GABBR2: variants seen among roughly 807,000 people sequenced by gnomAD.
The protein encoded by GABBR2 is gamma-aminobutyric acid type B receptor subunit 2, also known as G-protein coupled receptor 51.
GABBR2 carries 23 observed loss-of-function variants against 105.6 expected under a neutral mutation model. The ratio of observed to expected loss-of-function variants is 0.22; its 90% CI spans 0.16 to 0.31. The LOEUF is 0.31. Ranked by LOEUF, GABBR2 falls within the 10% of genes least tolerant of loss-of-function variation. The pLI, the probability that GABBR2 is intolerant of heterozygous loss-of-function variation, is 1.00. For synonymous variants in GABBR2, 478 were observed against 499.7 expected, an observed-to-expected ratio of 0.96 and a Z score of 0.58; for missense variants, 734 against 1,245.5, an observed-to-expected ratio of 0.59 and a Z score of 6.18.
At chr9:98,520,072 T>A (rs537506497) in intron 3 of GABBR2, among the ~76,000 whole-genome samples, 2 of 152,298 alleles carry the variant, frequency 1.3e-5, no homozygotes, top group Non-Finnish European at 2.9e-5. Flanking sequence ...CTCTCTGAGC[T>A]TTTTTTCTTG....
intron 7 of GABBR2, among the ~76,000 whole-genome samples, chr9:98,418,425 C>T (rs970632783): frequency 6.6e-6 from 1 of 152,074 alleles, no homozygotes; most frequent in Non-Finnish European, 1.5e-5. Context: ...GTCTCAGCTA[C>T]TCAGGGGGCT....
intron 1 of GABBR2, among the ~76,000 whole-genome samples, chr9:98,640,857 A>T (rs1829951058): frequency 6.6e-6 from 1 of 152,194 alleles, no homozygotes; most frequent in African/African-American, 2.4e-5. Flanking sequence ...GCTGATCAGT[A>T]GGTCTGATGC....
chr9:98,512,450 A>T (rs1336904231), intron 3 of GABBR2, among the ~76,000 whole-genome samples: 1 of 151,694 alleles, frequency 6.6e-6, no homozygotes, highest in Non-Finnish European at 1.5e-5. Context: ...TTCAATTAGG[A>T]AAAGAGGAAG....
intron 1 of GABBR2, among the ~76,000 whole-genome samples, chr9:98,610,427 T>C (rs913864288): frequency 2.6e-5 from 4 of 152,194 alleles, no homozygotes; most frequent in African/African-American, 7.2e-5. Context: ...TATGCATCCA[T>C]GCCCTAACTC....
chr9:98,472,763 C>G (rs949371256), intron 6 of GABBR2, among the ~76,000 whole-genome samples: 2 of 152,092 alleles, frequency 1.3e-5, no homozygotes, highest in South Asian at 4.2e-4. Flanking sequence ...CTACTTAAGG[C>G]GTCTTTCCTC....
chr9:98,682,007 G>A (rs2131870206), intron 1 of GABBR2, among the ~76,000 whole-genome samples: 1 of 152,236 alleles, frequency 6.6e-6, no homozygotes, highest in Non-Finnish European at 1.5e-5. Context: ...GGTGGAGACA[G>A]GCGGATCACT....
intron 1 of GABBR2, among the ~76,000 whole-genome samples, chr9:98,585,507 G>A (rs1829058665): frequency 7.7e-6 from 1 of 130,370 alleles, no homozygotes; most frequent in Non-Finnish European, 1.6e-5. Context: ...GGGGGGAGTG[G>A]GGAGGGATAG....
At position 98,452,683 on chromosome 9, in the gene GABBR2, A is replaced by C. The variant is rs571036050; in HGVS notation, c.1236+1298T>G. Among the ~76,000 whole-genome samples, 5 of 152,368 alleles carry C rather than the reference A, an allele frequency of 3.3e-5. No individual in the cohort carries two copies. The East Asian group carries it at 9.6e-4, about 29-fold the overall frequency. On this transcript the variant is annotated intron_variant, in intron 7 of 18. Coordinates refer to ENST00000259455, the MANE Select transcript of GABBR2 (RefSeq NM_005458.8). ...GCACAATGTCTAGCACATAATACGC[A>C]ATCAAGAAGTATTAGCCATATTATC...
chr9:98,562,973 G>A (rs1024165815), intron 2 of GABBR2, among the ~76,000 whole-genome samples: 17 of 150,420 alleles, frequency 1.1e-4, no homozygotes, highest in Non-Finnish European at 1.6e-4. Context: ...GGGGGGCTGA[G>A]GGGGGAGGAT....
chr9:98,581,167 C>G (rs1487127208), intron 1 of GABBR2: 1 of 152,446 alleles, frequency 6.6e-6, no homozygotes, highest in African/African-American at 2.4e-5. Context: ...CAGATCCAGG[C>G]TGTGGGCACT....
At chr9:98,559,275 A>G (rs942942166) in intron 2 of GABBR2, among the ~76,000 whole-genome samples, 8 of 152,082 alleles carry the variant, frequency 5.3e-5, no homozygotes, top group Non-Finnish European at 1.2e-4. Context: ...GACTACAGGC[A>G]TGCACCACCA....
In GABBR2 at chr9:98,656,547, A is replaced by G. The variant is rs139544812; in HGVS notation, c.321+51870T>C. 2.6e-3 allele frequency among the ~76,000 whole-genome samples: 395 copies of G among 152,336 alleles called. 1 individual carries two copies. The highest frequency in any genetic ancestry group is 9.1e-3 in the African/African-American group (380 of 41,574). ...AAACTCATTTTAAAACCTTCCTATAATCTTACCAGGTTTACGTACACTGAC... is the reference window on the plus strand; with the variant it reads ...AAACTCATTTTAAAACCTTCCTATAGTCTTACCAGGTTTACGTACACTGAC... On this transcript the variant is annotated intron_variant, in intron 1 of 18. Transcript: ENST00000259455.
At position 98,575,301 on chromosome 9, in the gene GABBR2, G is replaced by A. The variant is rs1428743004; in HGVS notation, c.459+2634C>T. On this transcript the variant is annotated intron_variant, in intron 2 of 18. Coordinates refer to ENST00000259455, the MANE Select transcript of GABBR2 (RefSeq NM_005458.8). ...AAGAATGGGCAGCACTTGATACACTGGGTATAGGAAGAATGGGATGTTTTG... is the reference window on the plus strand; with the variant it reads ...AAGAATGGGCAGCACTTGATACACTAGGTATAGGAAGAATGGGATGTTTTG... Among the ~76,000 whole-genome samples the A allele has an allele frequency of 5.9e-5, 9 of 152,312 alleles. No individual in the cohort carries two copies. In the South Asian group the frequency reaches 1.9e-3, roughly 32 times the overall value.
Position 98,293,818 on chromosome 9 carries a change from T to C in GABBR2, c.2627A>G (p.Lys876Arg), listed in dbSNP as rs1830339008. The C allele has an allele frequency of 1.2e-6, 2 of 1,605,582 alleles. No individual in the cohort carries two copies. The highest frequency in any genetic ancestry group is 1.7e-6 in the Non-Finnish European group (2 of 1,172,668). ...AGAGTTTATATCTTCTATAGGATCT[T>C]TGCATGTTCGAGAGGGCTCTGTTGT... is the stretch of plus-strand genomic sequence containing the variant. Reference protein sequence around the residue: ...WNTTEPSRTCKDPIEDINSPE... With the variant: ...WNTTEPSRTCRDPIEDINSPE... The change falls in exon 18 of 19, where the codon AAA (lysine) becomes AGA (arginine). Residue 876 changes from lysine to arginine, a missense_variant. Around this residue, in one of 7 missense-constraint regions of GABBR2, gnomAD observed 134 missense variants for 171.2 expected, o/e 0.78. Coordinates refer to ENST00000259455, the MANE Select transcript of GABBR2 (RefSeq NM_005458.8).
intron 1 of GABBR2, chr9:98,607,075 G>A: frequency 6.7e-7 from 1 of 1,498,310 alleles, no homozygotes; most frequent in African/African-American, 1.4e-5. Flanking sequence ...TCAGTTAAGA[G>A]ATCTGGTTTT....
At chr9:98,599,576 A>C (rs554930389) in intron 1 of GABBR2, among the ~76,000 whole-genome samples, 1 of 152,378 alleles carries the variant, frequency 6.6e-6, no homozygotes, top group African/African-American at 2.4e-5. Context: ...TGAATTACAC[A>C]TGACCTTCAA....
At chr9:98,560,221 A>G (rs1296456074) in intron 2 of GABBR2, among the ~76,000 whole-genome samples, 3 of 152,178 alleles carry the variant, frequency 2.0e-5, no homozygotes, top group African/African-American at 7.2e-5. Flanking sequence ...ATCAACCCCT[A>G]AACAGTGAAA....
rs58214308 is a variant in GABBR2, at chr9:98,554,722, C to T, written c.460-12679G>A. 3.9e-3 allele frequency among the ~76,000 whole-genome samples: 591 copies of T among 152,286 alleles called. 2 individuals carry two copies. Among genetic ancestry groups the T allele is most frequent in the African/African-American group, 0.013 (551 of 41,554 alleles). On this transcript the variant is annotated intron_variant, in intron 2 of 18. Coordinates refer to ENST00000259455, the MANE Select transcript of GABBR2 (RefSeq NM_005458.8). ...AGATATAATTGTTTTTGCTATATGGCATTCTATGATTCTTTATTACCTTCT... is the reference window on the plus strand; with the variant it reads ...AGATATAATTGTTTTTGCTATATGGTATTCTATGATTCTTTATTACCTTCT...
At chr9:98,517,429 T>C (rs1827779421) in intron 3 of GABBR2, among the ~76,000 whole-genome samples, 1 of 152,180 alleles carries the variant, frequency 6.6e-6, no homozygotes, top group Admixed American at 6.5e-5. Context: ...CCCACATATG[T>C]GTCAGCTTGG....
Sources: gnomAD v4.1 joint callset for allele counts (sites outside exome capture counted in the v4.1 genomes callset) on GRCh38, gnomAD v4.1.1 for gene constraint, gnomAD v4.1.1 regional missense constraint, MANE v1.5 for transcripts, NCBI Gene and HGNC (gene_info 2026-07-23, HGNC 2026-07-21) for gene names.